ADCY3: variants seen among roughly 807,000 people sequenced by gnomAD.
ADCY3 encodes the protein adenylate cyclase 3, also known as adenylate cyclase type 3.
A neutral mutation model predicts 119.4 loss-of-function variants in ADCY3; 70 were observed. The ratio of observed to expected loss-of-function variants is 0.59; its 90% CI spans 0.48 to 0.72. ADCY3 has a LOEUF of 0.72. ADCY3 is among the 30% of genes least tolerant of loss of function. ADCY3 has a pLI of 0.00. For synonymous variants in ADCY3, 672 were observed against 621.4 expected, an observed-to-expected ratio of 1.08 and a Z score of -1.21; for missense variants, 1,238 against 1,541.6, an observed-to-expected ratio of 0.80 and a Z score of 3.30.
chr2:24,876,399 A>G (rs1187782827), intron 2 of ADCY3, among the ~76,000 whole-genome samples: 1 of 152,206 alleles, frequency 6.6e-6, no homozygotes, highest in East Asian at 1.9e-4. Flanking sequence ...CAGATTTTCC[A>G]CAGCCTCCAT....
chr2:24,888,034 C>T (rs945372670), intron 2 of ADCY3, among the ~76,000 whole-genome samples: 1 of 152,176 alleles, frequency 6.6e-6, no homozygotes, highest in Non-Finnish European at 1.5e-5. Context: ...TGTCAATGGT[C>T]CCCAAATTTG....
Position 24,819,835 on chromosome 2 carries a change from A to G in ADCY3, c.*97T>C, listed in dbSNP as rs1466572323. 3.0e-6 allele frequency: 4 copies of G among 1,321,342 alleles called. No individual in the cohort carries two copies. Among genetic ancestry groups the G allele is most frequent in the East Asian group, 4.9e-5 (2 of 40,436 alleles). 81.9% of individuals were successfully genotyped at this position (1,321,342 alleles called of 1,614,324 possible). A position where few individuals can be genotyped will look rare whatever the true frequency, so the allele number is the denominator to read the frequency against. ...GAGGAGGTTTCTAAACCTAAAGTCC[A>G]TGAGTGTGCACTTCAATCCAGGAAG... is the stretch of plus-strand genomic sequence containing the variant. On this transcript the variant is annotated 3_prime_UTR_variant, in exon 22 of 22. Transcript: ENST00000679454.
intron 2 of ADCY3, among the ~76,000 whole-genome samples, chr2:24,917,272 G>A (rs1664572798): frequency 6.6e-6 from 1 of 152,238 alleles, no homozygotes; most frequent in African/African-American, 2.4e-5. Context: ...CCGCTTCAGA[G>A]CTGACTCTAC....
At position 24,834,924 on chromosome 2, in the gene ADCY3, A is replaced by G. The variant is rs1410166770; in HGVS notation, c.1675T>C (p.Ser559Pro). 6.2e-7 allele frequency: 1 copy of G among 1,613,244 alleles called. No individual in the cohort carries two copies. Among genetic ancestry groups the G allele is most frequent in the African/African-American group, 1.3e-5 (1 of 74,822 alleles). Residue 559 changes from serine (S) to proline (P), a missense_variant, in exon 10 of 22, where the codon TCA becomes CCA. By Grantham distance (74) the Ser-to-Pro change is moderately conservative. Coordinates refer to ENST00000679454, the MANE Select transcript of ADCY3 (RefSeq NM_004036.5). This position sits in a 1 kb window ranked among gnomAD's most constrained non-coding sequence, Gnocchi z 4.2. ...EEQDAQADNP[S>P]FPNPRRRLRL... is the part of the protein sequence containing the mutation. ...AGCCTCCGGCGTGGGTTGGGGAATG[A>G]GGGGTTGTCGGCCTGTGAGCCAGGG...
intron 3 of ADCY3, among the ~76,000 whole-genome samples, chr2:24,865,736 A>G (rs1674210123): frequency 6.6e-6 from 1 of 152,154 alleles, no homozygotes; most frequent in South Asian, 2.1e-4. Context: ...CCAGCCAAGA[A>G]CAACTATAAA....
In ADCY3 at chr2:24,819,923, C is replaced by G. The variant is rs201348363; in HGVS notation, c.*9G>C. 3 of 1,613,004 alleles carry G rather than the reference C, an allele frequency of 1.9e-6. No individual in the cohort carries two copies. The highest frequency in any genetic ancestry group is 2.2e-5 in the East Asian group (1 of 44,828). On this transcript the variant is annotated 3_prime_UTR_variant, in exon 22 of 22. Coordinates refer to ENST00000679454, the MANE Select transcript of ADCY3 (RefSeq NM_004036.5). ...CTTCCGGTTTGGACTGTTGCAGGCT[C>G]GAGGCCATTCAGGAGTTGTCCACCA...
At chr2:24,820,286 G>A (rs1403809540) in intron 21 of ADCY3, 172 bp from the exon 22 acceptor site, 42 of 1,266,082 alleles carry the variant, frequency 3.3e-5, no homozygotes, top group Non-Finnish European at 4.2e-5. Context: ...AGCAGCGGGT[G>A]GGAAGGAGAA....
chr2:24,902,586 C>T (rs905353428), intron 2 of ADCY3, among the ~76,000 whole-genome samples: 6 of 152,060 alleles, frequency 3.9e-5, no homozygotes, highest in African/African-American at 1.2e-4. Flanking sequence ...GGGTTTGAAC[C>T]GCACAGGTCC....
rs1664826289 is a variant in ADCY3 at position 24,919,237 on chromosome 2, TC to T, written c.-197-54del. Reference sequence around the variant, plus strand: ...ACCTCTTCCCTCCTACCTTGCGGTTTCCCCATGACCCGCCCTAACCCTCATA... The same window carrying T: ...ACCTCTTCCCTCCTACCTTGCGGTTTCCCATGACCCGCCCTAACCCTCATA... On this transcript the variant is annotated intron_variant, in intron 1 of 21. Coordinates refer to ENST00000679454, the MANE Select transcript of ADCY3 (RefSeq NM_004036.5). This position sits in a 1 kb window ranked among gnomAD's most constrained non-coding sequence, Gnocchi z 5.5. The T allele has an allele frequency of 2.0e-6, 1 of 510,114 alleles. No homozygotes were observed. The highest frequency in any genetic ancestry group is 3.5e-6 in the Non-Finnish European group (1 of 282,602). The allele number at this position is 510,114 out of a possible 1,614,324, so 31.6% of individuals were successfully genotyped here.
chr2:24,851,657 C>T (rs989934636), intron 3 of ADCY3, among the ~76,000 whole-genome samples: 1 of 152,170 alleles, frequency 6.6e-6, no homozygotes, highest in African/African-American at 2.4e-5. Flanking sequence ...TGCCCAGGGG[C>T]ATCGGTTAAA....
chr2:24,848,359 G>A lies in ADCY3; in HGVS notation c.826-5975C>T, dbSNP rs571157301. On this transcript the variant is annotated intron_variant, in intron 3 of 21. Transcript: ENST00000679454. ...GGCCCATCCCTTCGTTTCCCATAAC[G>A]GATACTTTTAGTTAATTTAATATCT... Among the ~76,000 whole-genome samples the A allele has an allele frequency of 6.6e-5, 10 of 152,264 alleles. No homozygotes were observed. In the East Asian group the frequency reaches 1.2e-3, roughly 18 times the overall value.
chr2:24,892,618 G>T (rs1022897748), intron 2 of ADCY3, among the ~76,000 whole-genome samples: 16 of 152,190 alleles, frequency 1.1e-4, no homozygotes, highest in Admixed American at 3.3e-4. Flanking sequence ...CACTTGAAAA[G>T]AATGTATGTT....
At chr2:24,851,758 G>A (rs1672318589) in intron 3 of ADCY3, among the ~76,000 whole-genome samples, 1 of 152,120 alleles carries the variant, frequency 6.6e-6, no homozygotes, top group Non-Finnish European at 1.5e-5. Context: ...ACTTATCTGA[G>A]TTCCTTCCTC....
chr2:24,883,075 C>T (rs901085414), intron 2 of ADCY3, among the ~76,000 whole-genome samples: 1 of 151,080 alleles, frequency 6.6e-6, no homozygotes, highest in Non-Finnish European at 1.5e-5. Flanking sequence ...AAGGGCCAGG[C>T]GCGGTGGCTC....
At chr2:24,912,628 T>A (rs1663917551) in intron 2 of ADCY3, among the ~76,000 whole-genome samples, 1 of 150,702 alleles carries the variant, frequency 6.6e-6, no homozygotes. Context: ...TGTGTGTGCC[T>A]GCATGTGCAT....
In ADCY3 at chr2:24,842,755, G is replaced by A. The variant is rs531263882; in HGVS notation, c.826-371C>T. ...CCCTGCGGGGTCACCTCAGCCACCC[G>A]CCACGGCTGCACAGAGCCATCGCTC... On this transcript the variant is annotated intron_variant, in intron 3 of 21. Transcript: ENST00000679454. The surrounding 1 kb of genome is among the most constrained non-coding windows in gnomAD (Gnocchi z 4.9). 2.0e-5 allele frequency among the ~76,000 whole-genome samples: 3 copies of A among 152,334 alleles called. No individual in the cohort carries two copies. Among genetic ancestry groups the A allele is most frequent in the South Asian group, 2.1e-4 (1 of 4,826 alleles).
In ADCY3 at chr2:24,842,301, G is replaced by A. The variant is rs755985883; in HGVS notation, c.909C>T (p.Asp303=). 8.7e-6 allele frequency: 14 copies of A among 1,614,168 alleles called. No individual in the cohort carries two copies. In the South Asian group the frequency reaches 1.5e-4, roughly 18 times the overall value. The part of the protein sequence containing the change: ...KDMKKDESQK[D]QQQFNTMYMY... Reference sequence around the variant, plus strand: ...TGTACATGGTGTTGAACTGCTGCTGGTCCTTCTGGCTCTCGTCTTTCTTCA... The same window carrying A: ...TGTACATGGTGTTGAACTGCTGCTGATCCTTCTGGCTCTCGTCTTTCTTCA... Residue 303 remains aspartate, a synonymous_variant, in exon 4 of 22, where the codon GAC becomes GAT. Coordinates refer to ENST00000679454, the MANE Select transcript of ADCY3 (RefSeq NM_004036.5). The surrounding 1 kb of genome is among the most constrained non-coding windows in gnomAD (Gnocchi z 4.9).
rs1455710655 is a variant in ADCY3 at position 24,899,277 on chromosome 2, AC to A, written c.675+19035del. On this transcript the variant is annotated intron_variant, in intron 2 of 21. Transcript: ENST00000679454. The surrounding 1 kb of genome is among the most constrained non-coding windows in gnomAD (Gnocchi z 4.5). ...CACACCGCCTCCTTCTCCCCAAACC[AC>A]CATCCGCTCTTCTGCCCTGTGAGGT... 2.6e-5 allele frequency among the ~76,000 whole-genome samples: 4 copies of A among 151,632 alleles called. No individual in the cohort carries two copies. Among genetic ancestry groups the A allele is most frequent in the Non-Finnish European group, 4.4e-5 (3 of 67,880 alleles).
chr2:24,865,362 T>G (rs1674147722), intron 3 of ADCY3, among the ~76,000 whole-genome samples: 1 of 152,038 alleles, frequency 6.6e-6, no homozygotes, highest in Non-Finnish European at 1.5e-5. Flanking sequence ...GGAGAATCGC[T>G]TAAACCCAGG....
Sources: allele counts gnomAD v4.1 joint callset (sites outside exome capture counted in the v4.1 genomes callset), GRCh38; gene constraint gnomAD v4.1.1; non-coding constraint Gnocchi (gnomAD v3.1); transcripts MANE v1.5; gene names NCBI Gene and HGNC (gene_info 2026-07-23, HGNC 2026-07-21).